Variants in ARHGAP24 observed in about 807,000 individuals in gnomAD.
ARHGAP24 encodes rho GTPase-activating protein 24.
In ARHGAP24, 50 loss-of-function variants were observed where a neutral mutation model predicts 76.4. The ratio of observed to expected loss-of-function variants is 0.65; its 90% CI spans 0.52 to 0.83. The LOEUF (loss-of-function observed/expected upper bound fraction) is 0.83. Among genes scored for constraint, ARHGAP24 ranks in the 40% least tolerant of loss-of-function variants. The pLI, the probability that ARHGAP24 is intolerant of heterozygous loss-of-function variation, is 0.00. For missense variants in ARHGAP24, 930 were observed against 914.2 expected (o/e 1.02, Z -0.22); for synonymous variants, 345 against 323.3 (o/e 1.07, Z -0.72).
intron 3 of ARHGAP24, among the ~76,000 whole-genome samples, chr4:85,915,723 A>G (rs1735348223): frequency 6.6e-6 from 1 of 152,178 alleles, no homozygotes; most frequent in African/African-American, 2.4e-5. Context: ...TTCCAGCTTC[A>G]TCTAGGTCCC....
chr4:85,827,517 T>TGG (rs1553933033), intron 3 of ARHGAP24, among the ~76,000 whole-genome samples: 1 of 126,210 alleles, frequency 7.9e-6, no homozygotes, highest in Admixed American at 7.9e-5. Flanking sequence ...TGTGTGTGTG[T>TGG]TTAGAGAGAG....
intron 3 of ARHGAP24, among the ~76,000 whole-genome samples, chr4:85,834,097 A>G (rs1730139463): frequency 6.6e-6 from 1 of 152,206 alleles, no homozygotes; most frequent in Non-Finnish European, 1.5e-5. Context: ...GAATGGAGAT[A>G]TTTTAGCAAA....
At chr4:85,796,351 A>T (rs1057075229) in intron 3 of ARHGAP24, among the ~76,000 whole-genome samples, 13 of 99,362 alleles carry the variant, frequency 1.3e-4, no homozygotes, top group African/African-American at 3.5e-4. Context: ...GTCTATCTTT[A>T]AAAAATATGG....
Position 85,995,015 on chromosome 4 carries a change from A to G in ARHGAP24, c.1361A>G (p.Asn454Ser), listed in dbSNP as rs762030305. Residue 454 changes from asparagine (N) to serine (S), a missense_variant, in exon 9 of 10, where the codon AAT becomes AGT. By Grantham distance (46) the Asn-to-Ser change is conservative. Transcript: ENST00000395184. ...CTTGAGAAAACCCAAACCACCCCCA[A>G]TGGGAGCCTACAGGCCAGAAGGAGC... ...EGLEKTQTTP[N>S]GSLQARRSSS... The G allele has an allele frequency of 9.9e-6, 16 of 1,613,934 alleles. No individual in the cohort carries two copies. The highest frequency in any genetic ancestry group is 3.3e-5 in the Admixed American group (2 of 59,984).
chr4:85,685,973 G>A (rs1381991912), intron 2 of ARHGAP24, among the ~76,000 whole-genome samples: 1 of 152,212 alleles, frequency 6.6e-6, no homozygotes, highest in African/African-American at 2.4e-5. Flanking sequence ...ATCTAAGAGA[G>A]CTTCACTCAC....
intron 2 of ARHGAP24, among the ~76,000 whole-genome samples, chr4:85,574,354 T>C: frequency 6.6e-6 from 1 of 152,204 alleles, no homozygotes; most frequent in East Asian, 1.9e-4. Context: ...GTACAGTTAG[T>C]GGCAAGGAGT....
intron 3 of ARHGAP24, among the ~76,000 whole-genome samples, chr4:85,773,471 C>T (rs955666127): frequency 2.6e-5 from 4 of 152,130 alleles, no homozygotes; most frequent in Non-Finnish European, 5.9e-5. Context: ...TGTACTCTAT[C>T]TCCTACTTGG....
intron 3 of ARHGAP24, among the ~76,000 whole-genome samples, chr4:85,853,598 G>A (rs141420295): frequency 0.041 from 6,270 of 152,078 alleles, 430 homozygotes; most frequent in African/African-American, 0.14. Context: ...CTTCCTATTC[G>A]GCCATCTTGG....
At chr4:85,828,276 A>G (rs1729818502) in intron 3 of ARHGAP24, among the ~76,000 whole-genome samples, 1 of 152,194 alleles carries the variant, frequency 6.6e-6, no homozygotes, top group Middle Eastern at 3.2e-3. Context: ...CATATACAGA[A>G]TTCCAGTGCT....
intron 3 of ARHGAP24, among the ~76,000 whole-genome samples, chr4:85,913,992 T>C (rs1735225675): frequency 6.6e-6 from 1 of 152,212 alleles, no homozygotes; most frequent in Admixed American, 6.5e-5. Context: ...TGTATTCCAA[T>C]GCAAAGAGAA....
At chr4:85,766,074 C>T (rs1726923614) in intron 3 of ARHGAP24, among the ~76,000 whole-genome samples, 1 of 152,034 alleles carries the variant, frequency 6.6e-6, no homozygotes, top group Non-Finnish European at 1.5e-5. Flanking sequence ...TGCTTTCAGC[C>T]TAAGGTAATA....
At chr4:85,683,105 T>TGG (rs1723269220) in intron 2 of ARHGAP24, among the ~76,000 whole-genome samples, 2 of 13,198 alleles carry the variant, frequency 1.5e-4, no homozygotes, top group Non-Finnish European at 2.6e-4. Context: ...ACTCTCTCAG[T>TGG]GTGTGGGGGG....
chr4:85,583,491 A>G (rs957212409), intron 2 of ARHGAP24, among the ~76,000 whole-genome samples: 1 of 152,158 alleles, frequency 6.6e-6, no homozygotes, highest in South Asian at 2.1e-4. Context: ...TAAAAACCCT[A>G]GAAGAAAACC....
At chr4:85,533,514 A>T (rs1264678901) in intron 1 of ARHGAP24, among the ~76,000 whole-genome samples, 1 of 152,212 alleles carries the variant, frequency 6.6e-6, no homozygotes, top group East Asian at 1.9e-4. Context: ...ATTCTCTCAT[A>T]TTCCATGCCT....
Position 85,995,476 on chromosome 4 carries a change from GAAAGC to G in ARHGAP24, c.1826_1830del (p.Ser609LysfsTer2), listed in dbSNP as rs1312211281. The G allele has an allele frequency of 6.2e-7, 1 of 1,601,296 alleles. No homozygotes were observed. Among genetic ancestry groups the G allele is most frequent in the Non-Finnish European group, 8.5e-7 (1 of 1,172,300 alleles). ...CGACCTTTCCCACCCCAGGGACTATGAAAGCAAAAGTGACCACAGGAGTGTGGGAG... is the reference window on the plus strand; with the variant it reads ...CGACCTTTCCCACCCCAGGGACTATGAAAAGTGACCACAGGAGTGTGGGAG... On this transcript the variant is annotated frameshift_variant, in exon 9 of 10. Coordinates refer to ENST00000395184, the MANE Select transcript of ARHGAP24 (RefSeq NM_001025616.3). LOFTEE classifies it high-confidence loss of function.
intron 3 of ARHGAP24, among the ~76,000 whole-genome samples, chr4:85,752,159 A>G (rs1161111874): frequency 6.6e-6 from 1 of 152,156 alleles, no homozygotes; most frequent in Non-Finnish European, 1.5e-5. Flanking sequence ...ACAGGTGCTC[A>G]CTCTGCCTTA....
At chr4:85,629,998 C>G (rs1392398732) in intron 2 of ARHGAP24, among the ~76,000 whole-genome samples, 1 of 152,042 alleles carries the variant, frequency 6.6e-6, no homozygotes, top group Admixed American at 6.6e-5. Flanking sequence ...GATGATGATT[C>G]ATAAGTCTCA....
At chr4:85,528,205 G>A (rs1043711015) in intron 1 of ARHGAP24, among the ~76,000 whole-genome samples, 6 of 151,968 alleles carry the variant, frequency 3.9e-5, no homozygotes, top group Middle Eastern at 3.2e-3. Context: ...CAGAGATTGG[G>A]TCAGATTGTA....
At chr4:85,756,481 A>G (rs1726499447) in intron 3 of ARHGAP24, among the ~76,000 whole-genome samples, 1 of 152,226 alleles carries the variant, frequency 6.6e-6, no homozygotes, top group Admixed American at 6.5e-5. Flanking sequence ...AAGGACTTTC[A>G]GAATCTAGTT....
Sources: allele counts gnomAD v4.1 joint callset (sites outside exome capture counted in the v4.1 genomes callset), GRCh38; gene constraint gnomAD v4.1.1; transcripts MANE v1.5; gene names NCBI Gene and HGNC (gene_info 2026-07-23, HGNC 2026-07-21).